NOL4L: variants seen among roughly 807,000 people sequenced by gnomAD.
NOL4L encodes the protein nucleolar protein 4 like.
In NOL4L, 7 loss-of-function variants were observed where a neutral mutation model predicts 64.5. The observed-to-expected ratio is 0.11, with a 90% CI of 0.06 to 0.20. NOL4L has a LOEUF of 0.20. NOL4L is among the 10% of genes least tolerant of loss of function. NOL4L has a pLI of 1.00. For synonymous variants in NOL4L, 413 were observed against 401.0 expected (o/e 1.03, Z -0.36); for missense variants, 680 against 967.1 (o/e 0.70, Z 3.94).
At chr20:32,540,482 A>C (rs1218619050) in intron 1 of NOL4L, among the ~76,000 whole-genome samples, 2 of 152,154 alleles carry the variant, frequency 1.3e-5, no homozygotes, top group South Asian at 2.1e-4. Flanking sequence ...CACTCCACAC[A>C]GCTTCACACA....
At chr20:32,574,280 T>G (rs1045917823) in intron 1 of NOL4L, among the ~76,000 whole-genome samples, 4 of 151,996 alleles carry the variant, frequency 2.6e-5, no homozygotes, top group Non-Finnish European at 5.9e-5. Flanking sequence ...ATCCCACGAG[T>G]TAAACATTTC....
At position 32,455,382 on chromosome 20, in the gene NOL4L, A is replaced by C. The variant is rs191310927; in HGVS notation, c.1119+736T>G. Among the ~76,000 whole-genome samples, 23 of 152,354 alleles carry C rather than the reference A, an allele frequency of 1.5e-4. No homozygotes were observed. The East Asian group carries it at 4.4e-3, about 29-fold the overall frequency. ...GCCCATGGTACAGAATGTCCCCACG[A>C]GACATTCCAAATGAGGCAGGCAGTA... On this transcript the variant is annotated intron_variant, in intron 6 of 10. Coordinates refer to ENST00000621426, the MANE Select transcript of NOL4L (RefSeq NM_001256798.2).
chr20:32,456,230 C>A lies in NOL4L; in HGVS notation c.1007G>T (p.Cys336Phe). The A allele has an allele frequency of 6.8e-6, 11 of 1,608,838 alleles. No individual in the cohort carries two copies. The highest frequency in any genetic ancestry group is 1.3e-5 in the African/African-American group (1 of 74,850). Residue 336 changes from cysteine (C) to phenylalanine (F), a missense_variant, in exon 6 of 11, where the codon TGT becomes TTT. Transcript: ENST00000621426. ...TGCCGTGGCCGGCGGGAGCTTGTCACACAGGTTGATGGGCTGATCCTCGGC... is the reference window on the plus strand; with the variant it reads ...TGCCGTGGCCGGCGGGAGCTTGTCAAACAGGTTGATGGGCTGATCCTCGGC... ...TAAEDQPINL[C>F]DKLPPATALG...
At chr20:32,456,440 G>A in intron 5 of NOL4L, 45 bp from the exon 6 acceptor site, 2 of 1,423,254 alleles carry the variant, frequency 1.4e-6, no homozygotes, top group Non-Finnish European at 1.8e-6. Flanking sequence ...AAGGCACTGT[G>A]GCCACTGCAG....
At chr20:32,452,112 G>A (rs537280482) in intron 10 of NOL4L, 124 bp downstream of exon 10, 3 of 799,830 alleles carry the variant, frequency 3.8e-6, no homozygotes, top group East Asian at 6.6e-5. Context: ...TCCCTATGCT[G>A]TGAGGCAGCC....
At chr20:32,532,455 G>A (rs1036420213) in intron 1 of NOL4L, 55 of 771,254 alleles carry the variant, frequency 7.1e-5, no homozygotes, top group South Asian at 1.2e-4. Context: ...CAGTAGTCAC[G>A]TGCCGCAGAC....
intron 4 of NOL4L, among the ~76,000 whole-genome samples, chr20:32,499,738 CAAAAAA>C (rs10692885): frequency 3.9e-5 from 2 of 51,360 alleles, no homozygotes; most frequent in African/African-American, 1.7e-4. Context: ...GACCTTGTCT[CAAAAAA>C]AAAAAAAAAA....
At chr20:32,547,465 T>C (rs2018747733) in intron 1 of NOL4L, among the ~76,000 whole-genome samples, 1 of 152,116 alleles carries the variant, frequency 6.6e-6, no homozygotes, top group Non-Finnish European at 1.5e-5. Context: ...AATTTTTGTA[T>C]TTTTTTGTAC....
chr20:32,474,416 T>G (rs1219782189), intron 5 of NOL4L, among the ~76,000 whole-genome samples, 185 bp downstream of exon 5: 1 of 152,246 alleles, frequency 6.6e-6, no homozygotes, highest in African/African-American at 2.4e-5. Context: ...AGCCAGGAGC[T>G]GGGGCACTGG....
At chr20:32,487,921 G>T (rs1468364621) in intron 4 of NOL4L, among the ~76,000 whole-genome samples, 5 of 135,198 alleles carry the variant, frequency 3.7e-5, no homozygotes, top group African/African-American at 1.6e-4. Context: ...CACAGTTTTT[G>T]TTTGTTGGTT....
chr20:32,568,741 A>T (rs1225574627), intron 1 of NOL4L, among the ~76,000 whole-genome samples: 6 of 152,184 alleles, frequency 3.9e-5, no homozygotes. Context: ...AATCCTCTTG[A>T]TGGGGCTTGA....
Position 32,507,381 on chromosome 20 carries a change from T to C in NOL4L, c.699+3966A>G, listed in dbSNP as rs1420665842. Among the ~76,000 whole-genome samples the C allele has an allele frequency of 2.0e-5, 3 of 152,328 alleles. No individual in the cohort carries two copies. The East Asian group carries it at 5.8e-4, about 29-fold the overall frequency. On this transcript the variant is annotated intron_variant, in intron 4 of 10. Transcript: ENST00000621426. ...GCGGTGCCTTGTACATTGAGGACAC[T>C]ATAAATATTGGGTGCACTGAACCAG...
At position 32,489,624 on chromosome 20, in the gene NOL4L, T is replaced by C. The variant is rs1294524395; in HGVS notation, c.700-14882A>G. Among the ~76,000 whole-genome samples, 3 of 152,218 alleles carry C rather than the reference T, an allele frequency of 2.0e-5. No individual in the cohort carries two copies. The East Asian group carries it at 5.8e-4, about 29-fold the overall frequency. Reference sequence around the variant, plus strand: ...ATTTGTATTATATTCTGTTGACCTATTCCTGTCTCAGTATTATGGCTTTAA... The same window carrying C: ...ATTTGTATTATATTCTGTTGACCTACTCCTGTCTCAGTATTATGGCTTTAA... On this transcript the variant is annotated intron_variant, in intron 4 of 10. Coordinates refer to ENST00000621426, the MANE Select transcript of NOL4L (RefSeq NM_001256798.2).
At chr20:32,530,705 T>C (rs1468198008) in intron 1 of NOL4L, among the ~76,000 whole-genome samples, 10 of 152,180 alleles carry the variant, frequency 6.6e-5, no homozygotes, top group Admixed American at 3.9e-4. Flanking sequence ...CCAGATCACC[T>C]GAGGTCGGGA....
chr20:32,517,736 G>A (rs575884746), intron 3 of NOL4L, among the ~76,000 whole-genome samples: 8 of 152,226 alleles, frequency 5.3e-5, no homozygotes, highest in Non-Finnish European at 8.8e-5. Context: ...TCTGGGCACC[G>A]TAGGCCACGA....
intron 4 of NOL4L, among the ~76,000 whole-genome samples, chr20:32,490,349 G>A (rs1252106222): frequency 6.6e-6 from 1 of 151,928 alleles, no homozygotes; most frequent in South Asian, 2.1e-4. Context: ...TGGGGGACTG[G>A]GGGGTGAGAG....
intron 1 of NOL4L, among the ~76,000 whole-genome samples, chr20:32,548,179 G>A (rs577810599): frequency 6.6e-6 from 1 of 152,290 alleles, no homozygotes; most frequent in East Asian, 1.9e-4. Flanking sequence ...AAGACAGGTG[G>A]GATGGAGTCA....
intron 4 of NOL4L, among the ~76,000 whole-genome samples, chr20:32,507,000 A>T (rs2017165108): frequency 6.6e-6 from 1 of 152,184 alleles, no homozygotes; most frequent in Non-Finnish European, 1.5e-5. Flanking sequence ...CAGGAACTGC[A>T]GAGAGGGAGG....
At chr20:32,485,093 A>AAAAAAAAAAAG (rs2016028497) in intron 4 of NOL4L, among the ~76,000 whole-genome samples, 1 of 114,588 alleles carries the variant, frequency 8.7e-6, no homozygotes, top group Non-Finnish European at 1.9e-5. Flanking sequence ...AAAAACAACT[A>AAAAAAAAAAAG]AAAAAAAACC....
Sources: gnomAD v4.1 joint callset for allele counts (sites outside exome capture counted in the v4.1 genomes callset) on GRCh38, gnomAD v4.1.1 for gene constraint, MANE v1.5 for transcripts, NCBI Gene and HGNC (gene_info 2026-07-23, HGNC 2026-07-21) for gene names.